Variants in PSME4 observed in about 807,000 individuals in gnomAD.
The protein encoded by PSME4 is proteasome activator complex subunit 4.
PSME4 carries 89 observed loss-of-function variants against 253.9 expected under a neutral mutation model. The observed-to-expected ratio is 0.35, with a 90% confidence interval of 0.30 to 0.42. PSME4 has a LOEUF of 0.42. Ranked by LOEUF, PSME4 falls within the 10% of genes least tolerant of loss-of-function variation. PSME4 has a pLI of 1.00. For missense variants in PSME4, 2,014 were observed against 2,195.2 expected (o/e 0.92, Z 1.65); for synonymous variants, 851 against 759.2 (o/e 1.12, Z -1.99).
Position 53,869,546 on chromosome 2 carries a change from T to C in PSME4, c.5101-8A>G, listed in dbSNP as rs376716455. ...AGCAGCCATTTCTCGAACCTGTAGA[T>C]ATAATAATTTCTATTAGGACTGACA... On this transcript the variant is annotated splice_polypyrimidine_tract_variant and splice_region_variant and intron_variant, in intron 43 of 46. Coordinates refer to ENST00000404125, the MANE Select transcript of PSME4 (RefSeq NM_014614.3). 3.0e-5 allele frequency: 45 copies of C among 1,485,862 alleles called. No individual in the cohort carries two copies. The African/African-American group carries it at 5.8e-4, about 19-fold the overall frequency. 92.0% of individuals were successfully genotyped at this position (1,485,862 alleles called of 1,614,324 possible). A position where few individuals can be genotyped will look rare whatever the true frequency, so the allele number is the denominator to read the frequency against.
chr2:53,906,963 T>G, intron 24 of PSME4, 95 bp from the exon 25 acceptor site: 3 of 1,104,776 alleles, frequency 2.7e-6, no homozygotes, highest in African/African-American at 1.6e-5. Context: ...GTCAAAAAGG[T>G]CCCTGGTTGA....
Position 53,866,738 on chromosome 2 carries a change from G to C in PSME4, c.5397+9C>G. 1 of 1,610,280 alleles carries C rather than the reference G, an allele frequency of 6.2e-7. No individual in the cohort carries two copies. Reference sequence around the variant, plus strand: ...AATACACGTACAAACTAATAAGGAAGAACTGTACCTCAATAGGCTGAGGAT... The same window carrying C: ...AATACACGTACAAACTAATAAGGAACAACTGTACCTCAATAGGCTGAGGAT... On this transcript the variant is annotated intron_variant, in intron 45 of 46. Coordinates refer to ENST00000404125, the MANE Select transcript of PSME4 (RefSeq NM_014614.3).
intron 44 of PSME4, among the ~76,000 whole-genome samples, chr2:53,868,297 A>G (rs1336079691): frequency 6.6e-6 from 1 of 151,096 alleles, no homozygotes; most frequent in African/African-American, 2.4e-5. Context: ...CTAAAAATAC[A>G]AAAAATTAGC....
At chr2:53,888,068 G>C (rs1679723895) in intron 38 of PSME4, 79 bp from the exon 39 acceptor site, 2 of 1,371,142 alleles carry the variant, frequency 1.5e-6, no homozygotes, top group Non-Finnish European at 1.9e-6. Flanking sequence ...GACAATATCT[G>C]TATTTCACTT....
At chr2:53,921,946 G>A (rs1030451754) in intron 17 of PSME4, among the ~76,000 whole-genome samples, 9 of 151,304 alleles carry the variant, frequency 5.9e-5, no homozygotes, top group African/African-American at 2.2e-4. Context: ...GCTGAGGCAG[G>A]CGGATCACGA....
Position 53,888,818 on chromosome 2 carries a change from T to A in PSME4, c.4297-6A>T, listed in dbSNP as rs780156450. The A allele has an allele frequency of 1.1e-4, 168 of 1,599,852 alleles. 1 individual carries two copies. In the East Asian group the frequency reaches 3.7e-3, roughly 35 times the overall value. On this transcript the variant is annotated splice_polypyrimidine_tract_variant and splice_region_variant and intron_variant, in intron 37 of 46. Coordinates refer to ENST00000404125, the MANE Select transcript of PSME4 (RefSeq NM_014614.3). ...TTCCGGGGATCTCTGCTTTCCTGTG[T>A]TTAAAATATGATGTAACAGTTCAAC...
chr2:53,954,646 C>CT (rs1317728967), intron 1 of PSME4, among the ~76,000 whole-genome samples: 2 of 152,026 alleles, frequency 1.3e-5, no homozygotes, highest in Non-Finnish European at 2.9e-5. Flanking sequence ...CAAGATCAGC[C>CT]TGGCCAACAT....
At chr2:53,938,831 A>G (rs1168862395) in intron 4 of PSME4, among the ~76,000 whole-genome samples, 1 of 152,188 alleles carries the variant, frequency 6.6e-6, no homozygotes, top group Non-Finnish European at 1.5e-5. Context: ...CAAAGCGTTT[A>G]TGTGTCAGGT....
At chr2:53,932,279 A>C (rs1668868267) in intron 9 of PSME4, among the ~76,000 whole-genome samples, 179 bp from the exon 10 acceptor site, 1 of 152,212 alleles carries the variant, frequency 6.6e-6, no homozygotes, top group African/African-American at 2.4e-5. Context: ...TATTCCTAAT[A>C]ATTAATGAAA....
chr2:53,908,557 G>A lies in PSME4; in HGVS notation c.2638C>T (p.Leu880Phe). 1 of 1,605,276 alleles carries A rather than the reference G, an allele frequency of 6.2e-7. No individual in the cohort carries two copies. Among genetic ancestry groups the A allele is most frequent in the Non-Finnish European group, 8.5e-7 (1 of 1,176,314 alleles). ...TVIRKLLNHI[L>F]DNSEDDTKSL... ...TTAGTATCATCTTCTGAATTATCAAGTATGTGGTCTATAATGGAAGAAAGA... is the reference window on the plus strand; with the variant it reads ...TTAGTATCATCTTCTGAATTATCAAATATGTGGTCTATAATGGAAGAAAGA... Residue 880 changes from leucine (L) to phenylalanine (F), a missense_variant, in exon 23 of 47, where the codon CTT becomes TTT. This residue lies in a region of PSME4 where 989 missense variants were observed against 1,021.1 expected (regional missense o/e 0.97). Coordinates refer to ENST00000404125, the MANE Select transcript of PSME4 (RefSeq NM_014614.3).
At chr2:53,888,872 A>C (rs1679760798) in intron 37 of PSME4, 60 bp from the exon 38 acceptor site, 1 of 1,263,158 alleles carries the variant, frequency 7.9e-7, no homozygotes, top group African/African-American at 1.5e-5. Context: ...TAAACAAATC[A>C]TACTCAGTTA....
intron 43 of PSME4, among the ~76,000 whole-genome samples, chr2:53,872,022 A>C (rs573875560): frequency 1.3e-5 from 2 of 152,122 alleles, no homozygotes; most frequent in East Asian, 3.9e-4. Flanking sequence ...CTCCAAAAAA[A>C]GGGGGGGCGG....
intron 4 of PSME4, among the ~76,000 whole-genome samples, chr2:53,938,999 C>T (rs149288803): frequency 7.0e-4 from 106 of 152,230 alleles, no homozygotes; most frequent in African/African-American, 2.5e-3. Flanking sequence ...TATGAATTAC[C>T]TATGAGCCAG....
chr2:53,911,460 T>C (rs1667824432), intron 20 of PSME4, among the ~76,000 whole-genome samples: 1 of 152,200 alleles, frequency 6.6e-6, no homozygotes, highest in Non-Finnish European at 1.5e-5. Context: ...GTATCCAAAA[T>C]CTGTTAGTAA....
intron 42 of PSME4, among the ~76,000 whole-genome samples, chr2:53,875,077 A>G (rs1323106432): frequency 6.6e-6 from 1 of 152,250 alleles, no homozygotes; most frequent in Non-Finnish European, 1.5e-5. Flanking sequence ...TCTGGAAAGC[A>G]AATGATTAAC....
chr2:53,917,458 T>C (rs1455815077), intron 20 of PSME4, among the ~76,000 whole-genome samples: 4 of 152,182 alleles, frequency 2.6e-5, no homozygotes, highest in Admixed American at 1.3e-4. Context: ...TAAAGCCTTT[T>C]GCTTCAATTC....
chr2:53,875,489 A>AAT, intron 42 of PSME4, 138 bp downstream of exon 42: 2 of 770,534 alleles, frequency 2.6e-6, no homozygotes, highest in Non-Finnish European at 3.7e-6. Flanking sequence ...TTCTTTGGTC[A>AAT]ATATATATGT....
intron 29 of PSME4, among the ~76,000 whole-genome samples, 189 bp from the exon 30 acceptor site, chr2:53,898,543 C>T (rs78307478): frequency 0.017 from 2,545 of 151,838 alleles, 31 homozygotes; most frequent in South Asian, 0.051. Flanking sequence ...CTGGGAAAAG[C>T]TCATGAAAGG....
At chr2:53,880,087 A>T (rs1437398895) in intron 41 of PSME4, among the ~76,000 whole-genome samples, 1 of 152,196 alleles carries the variant, frequency 6.6e-6, no homozygotes, top group Non-Finnish European at 1.5e-5. Context: ...TAGCAAAGTA[A>T]CTTAAGTTGG....
Sources: allele counts gnomAD v4.1 joint callset (sites outside exome capture counted in the v4.1 genomes callset), GRCh38; gene constraint gnomAD v4.1.1; regional missense constraint gnomAD v4.1.1; transcripts MANE v1.5; gene names NCBI Gene and HGNC (gene_info 2026-07-23, HGNC 2026-07-21).